The following CSMD1 variants were observed in gnomAD, a reference collection of about 807,000 sequenced individuals.
CSMD1 encodes CUB and sushi domain-containing protein 1.
A neutral mutation model predicts 417.5 loss-of-function variants in CSMD1; 213 were observed. The ratio of observed to expected loss-of-function variants is 0.51; its 90% CI spans 0.46 to 0.57. CSMD1 has a LOEUF of 0.57. CSMD1 is among the 20% of genes least tolerant of loss of function. The pLI is 0.00. For missense variants in CSMD1, 6,923 were observed against 4,529.7 expected (o/e 1.53, Z -15.17); for synonymous variants, 2,862 against 1,736.8 (o/e 1.65, Z -16.11).
At chr8:4,844,109 G>C (rs13271752) in intron 1 of CSMD1, among the ~76,000 whole-genome samples, 64,676 of 151,952 alleles carry the variant, frequency 0.43, 13,997 homozygotes, top group African/African-American at 0.48. Flanking sequence ...GTTTGTCTAA[G>C]AGCTGACACT....
intron 4 of CSMD1, among the ~76,000 whole-genome samples, chr8:4,012,468 T>A (rs1816620132): frequency 1.3e-5 from 2 of 152,172 alleles, no homozygotes; most frequent in Non-Finnish European, 2.9e-5. Context: ...CACATGCAGG[T>A]TTGTTACTTG....
chr8:4,074,850 T>C (rs955984652), intron 3 of CSMD1, among the ~76,000 whole-genome samples: 2 of 152,148 alleles, frequency 1.3e-5, no homozygotes, highest in East Asian at 3.9e-4. Context: ...TTCTGAGTTT[T>C]TTTTCTCTCC....
At chr8:3,113,936 G>A (rs528989023) in intron 42 of CSMD1, among the ~76,000 whole-genome samples, 1 of 152,126 alleles carries the variant, frequency 6.6e-6, no homozygotes, top group Admixed American at 6.6e-5. Context: ...AATTAAAACA[G>A]GCTGGCTGTT....
chr8:2,955,481 C>A, intron 64 of CSMD1, 108 bp downstream of exon 64: 1 of 1,049,718 alleles, frequency 9.5e-7, no homozygotes, highest in Non-Finnish European at 1.4e-6. Context: ...GATGCTGCAG[C>A]CTCATGCTCT....
chr8:4,676,792 G>A (rs556417996), intron 1 of CSMD1, among the ~76,000 whole-genome samples: 155 of 151,814 alleles, frequency 1.0e-3, no homozygotes, highest in Non-Finnish European at 1.8e-3. Flanking sequence ...TCTCTTCAGC[G>A]AGTTGCTCAT....
At chr8:3,533,560 G>A (rs1335003915) in intron 10 of CSMD1, among the ~76,000 whole-genome samples, 1 of 152,166 alleles carries the variant, frequency 6.6e-6, no homozygotes, top group Admixed American at 6.5e-5. Flanking sequence ...CTATAAAGCA[G>A]GTTCACACAC....
intron 3 of CSMD1, among the ~76,000 whole-genome samples, chr8:4,397,249 T>C (rs1053832965): frequency 5.3e-5 from 8 of 152,172 alleles, no homozygotes; most frequent in East Asian, 1.9e-4. Context: ...CGTGTGAGCA[T>C]GCGTTTTTTC....
chr8:4,992,890 G>A lies in CSMD1; in HGVS notation c.85+1442C>T, dbSNP rs938687841. Among the ~76,000 whole-genome samples, 8 of 152,196 alleles carry A rather than the reference G, an allele frequency of 5.3e-5. No homozygotes were observed. The East Asian group carries it at 1.2e-3, about 22-fold the overall frequency. ...TTTGCGATCCCCGAGATCTCGGGGC[G>A]CATTCCCGCAGACACCCCCTTGTGA... On this transcript the variant is annotated intron_variant, in intron 1 of 69. Transcript: ENST00000635120.
At chr8:4,033,967 C>A (rs552179231) in intron 3 of CSMD1, among the ~76,000 whole-genome samples, 4 of 152,274 alleles carry the variant, frequency 2.6e-5, no homozygotes, top group African/African-American at 9.6e-5. Context: ...ATTTAGTATT[C>A]AAGTAAGCTA....
intron 25 of CSMD1, among the ~76,000 whole-genome samples, chr8:3,291,448 T>C (rs557932746): frequency 8.8e-4 from 134 of 152,314 alleles, no homozygotes; most frequent in Admixed American, 1.4e-3. Flanking sequence ...TGTGAATCCA[T>C]CTGGTCCTCG....
chr8:3,842,269 A>T (rs1438420543), intron 5 of CSMD1, among the ~76,000 whole-genome samples: 2 of 151,940 alleles, frequency 1.3e-5, no homozygotes, highest in African/African-American at 4.8e-5. Flanking sequence ...ACTAATTCCC[A>T]ATCTTCTTAT....
intron 3 of CSMD1, among the ~76,000 whole-genome samples, chr8:4,171,096 T>A (rs1026097789): frequency 2.0e-5 from 3 of 151,864 alleles, no homozygotes; most frequent in African/African-American, 7.3e-5. Flanking sequence ...AGAGTCCAGC[T>A]GTACTACCTG....
intron 3 of CSMD1, among the ~76,000 whole-genome samples, chr8:4,326,306 A>G (rs186668784): frequency 6.6e-6 from 1 of 152,298 alleles, no homozygotes; most frequent in Admixed American, 6.5e-5. Context: ...AGGACAGCGG[A>G]TAAGTCCTTT....
chr8:4,653,369 C>T (rs1045406836), intron 1 of CSMD1, among the ~76,000 whole-genome samples: 2 of 152,034 alleles, frequency 1.3e-5, no homozygotes, highest in Admixed American at 1.3e-4. Flanking sequence ...TTCCGTGCTG[C>T]AGTAGAAACA....
intron 3 of CSMD1, among the ~76,000 whole-genome samples, chr8:4,118,402 CAAA>C (rs56850233): frequency 2.4e-5 from 3 of 127,154 alleles, no homozygotes; most frequent in East Asian, 2.2e-4. Flanking sequence ...AAGAAATTTA[CAAA>C]AAAAAAAAAT....
At chr8:4,136,377 G>C (rs1013424171) in intron 3 of CSMD1, among the ~76,000 whole-genome samples, 2 of 152,144 alleles carry the variant, frequency 1.3e-5, no homozygotes, top group Non-Finnish European at 2.9e-5. Flanking sequence ...GAAGCTGCCT[G>C]CCTGCAACTT....
intron 60 of CSMD1, 48 bp downstream of exon 60, chr8:2,963,174 C>T: frequency 6.3e-7 from 1 of 1,596,472 alleles, no homozygotes; most frequent in Non-Finnish European, 8.6e-7. Flanking sequence ...TTATCCGTCC[C>T]TGTTGCAGAC....
rs546541362 is a variant in CSMD1 at position 4,572,920 on chromosome 8, C to A, written c.302+64422G>T. 5.3e-5 allele frequency among the ~76,000 whole-genome samples: 8 copies of A among 152,226 alleles called. No homozygotes were observed. The East Asian group carries it at 1.4e-3, about 26-fold the overall frequency. ...CGCTTGATCAATTCGGCTACTGATA[C>A]TTGTGTATGCGTCATGAAGTCCTTG... On this transcript the variant is annotated intron_variant, in intron 2 of 69. Transcript: ENST00000635120.
chr8:4,003,014 T>A (rs1181150991), intron 4 of CSMD1, among the ~76,000 whole-genome samples: 1 of 110,512 alleles, frequency 9.0e-6, no homozygotes, highest in Non-Finnish European at 1.9e-5. Flanking sequence ...AATAAATGTA[T>A]AAAAATAAAA....
Sources: allele counts gnomAD v4.1 joint callset (sites outside exome capture counted in the v4.1 genomes callset), GRCh38; gene constraint gnomAD v4.1.1; transcripts MANE v1.5; gene names NCBI Gene and HGNC (gene_info 2026-07-23, HGNC 2026-07-21).